TRAK1: variants seen among roughly 807,000 people sequenced by gnomAD.
The protein encoded by TRAK1 is trafficking kinesin-binding protein 1.
TRAK1 carries 33 observed loss-of-function variants against 92.1 expected under a neutral mutation model. That is an observed-to-expected ratio of 0.36 (90% CI 0.27 to 0.48). The LOEUF (loss-of-function observed/expected upper bound fraction) is 0.48, where lower values mean the gene tolerates loss of function less well. Ranked by LOEUF, TRAK1 falls within the 20% of genes least tolerant of loss-of-function variation. The pLI is 0.99. For missense variants in TRAK1, 1,123 were observed against 1,257.9 expected, an observed-to-expected ratio of 0.89 and a Z score of 1.62; for synonymous variants, 521 against 517.3, an observed-to-expected ratio of 1.01 and a Z score of -0.10.
chr3:42,178,596 G>T (rs750087082), intron 3 of TRAK1, among the ~76,000 whole-genome samples: 52 of 152,208 alleles, frequency 3.4e-4, no homozygotes, highest in Non-Finnish European at 5.7e-4. Context: ...TGTTCATCCA[G>T]CTGGATGAAC....
At chr3:42,177,050 T>C (rs1449786484) in intron 3 of TRAK1, among the ~76,000 whole-genome samples, 160 bp downstream of exon 3, 2 of 152,250 alleles carry the variant, frequency 1.3e-5, no homozygotes, top group Non-Finnish European at 2.9e-5. Context: ...CTAGTAGCTA[T>C]GTAGGCCTTT....
chr3:42,217,806 C>T (rs965036496), intron 14 of TRAK1: 2 of 985,256 alleles, frequency 2.0e-6, no homozygotes, highest in African/African-American at 1.7e-5. Flanking sequence ...GACCTTATTG[C>T]GGGAAGAGAA....
chr3:42,203,267 A>G (rs1707903936), intron 13 of TRAK1: 2 of 1,013,638 alleles, frequency 2.0e-6, no homozygotes, highest in African/African-American at 3.4e-5. Flanking sequence ...TGAACTTCAT[A>G]TAGCAAGGTT....
At chr3:42,209,505 T>C (rs924203469) in intron 13 of TRAK1, among the ~76,000 whole-genome samples, 4 of 152,080 alleles carry the variant, frequency 2.6e-5, no homozygotes, top group African/African-American at 9.7e-5. Flanking sequence ...CATACTATGG[T>C]GTGGATTTTA....
chr3:42,074,242 G>T (rs1704054275), intron 1 of TRAK1, among the ~76,000 whole-genome samples: 1 of 152,184 alleles, frequency 6.6e-6, no homozygotes, highest in Admixed American at 6.6e-5. Context: ...TACTTTATAG[G>T]TTGTAAGCCT....
chr3:42,147,206 C>A (rs1559831956), intron 2 of TRAK1, among the ~76,000 whole-genome samples: 2 of 152,160 alleles, frequency 1.3e-5, no homozygotes, highest in East Asian at 1.9e-4. Context: ...GAATTAAAAT[C>A]ATTTCTGCTG....
At chr3:42,157,106 C>G (rs535724535) in intron 2 of TRAK1, among the ~76,000 whole-genome samples, 1 of 151,012 alleles carries the variant, frequency 6.6e-6, no homozygotes, top group Non-Finnish European at 1.5e-5. Flanking sequence ...AAGCAGAGAT[C>G]GCACCACTGC....
In TRAK1 at chr3:42,223,763, A is replaced by G. The variant is rs751290686; in HGVS notation, c.*26A>G. 3 of 1,571,498 alleles carry G rather than the reference A, an allele frequency of 1.9e-6. No individual in the cohort carries two copies. The highest frequency in any genetic ancestry group is 2.6e-6 in the Non-Finnish European group (3 of 1,154,090). On this transcript the variant is annotated 3_prime_UTR_variant, in exon 16 of 16. Transcript: ENST00000327628. The surrounding 1 kb of genome is among the most constrained non-coding windows in gnomAD (Gnocchi z 6.1). ...GGACTGGAGGGGGGCCGGTTGCCCT[A>G]GAGGAGACCCACGTTCTCCTCTCTT... is the stretch of plus-strand genomic sequence containing the variant.
intron 1 of TRAK1, among the ~76,000 whole-genome samples, chr3:42,050,706 G>A (rs1702945094): frequency 6.6e-6 from 1 of 151,860 alleles, no homozygotes; most frequent in African/African-American, 2.4e-5. Flanking sequence ...TGCCCAGGTT[G>A]GAGTACAGTA....
intron 2 of TRAK1, among the ~76,000 whole-genome samples, chr3:42,149,848 T>G (rs979950508): frequency 6.6e-6 from 1 of 152,194 alleles, no homozygotes; most frequent in African/African-American, 2.4e-5. Flanking sequence ...GTTTTTGGTG[T>G]GCTGGGCTTG....
intron 2 of TRAK1, among the ~76,000 whole-genome samples, chr3:42,126,254 T>C (rs192039272): frequency 3.9e-5 from 6 of 152,294 alleles, no homozygotes; most frequent in Admixed American, 1.3e-4. Flanking sequence ...TGTCTAAATT[T>C]AAAACCAAAG....
At chr3:42,036,886 A>G (rs368807848) in intron 1 of TRAK1, among the ~76,000 whole-genome samples, 2 of 152,272 alleles carry the variant, frequency 1.3e-5, no homozygotes, top group South Asian at 4.2e-4. Context: ...AGTAGCTAGG[A>G]TTACAGGTGC....
chr3:42,172,695 G>A (rs1055822863), intron 2 of TRAK1, among the ~76,000 whole-genome samples: 3 of 152,184 alleles, frequency 2.0e-5, no homozygotes, highest in African/African-American at 7.2e-5. Flanking sequence ...CCCCAGGAGG[G>A]CAGGTGTCCT....
At position 42,193,134 on chromosome 3, in the gene TRAK1, G is replaced by T; in HGVS notation, c.829G>T (p.Ala277Ser). The T allele has an allele frequency of 6.2e-7, 1 of 1,614,228 alleles. No individual in the cohort carries two copies. The highest frequency in any genetic ancestry group is 8.5e-7 in the Non-Finnish European group (1 of 1,180,028). ...SEELAKKTED[A>S]ARQQEEITHL... ...GGAACTGGCCAAGAAGACGGAAGAT[G>T]CTGCCCGCCAGCAAGAGGAGATCAC... The change falls in exon 8 of 16, where the codon GCT becomes TCT. Residue 277 changes from alanine to serine, a missense_variant. Physicochemically the swap from Ala to Ser is moderately conservative, Grantham distance 99. This residue lies in a region of TRAK1 where 686 missense variants were observed against 747.6 expected (regional missense o/e 0.92). Coordinates refer to ENST00000327628, the MANE Select transcript of TRAK1 (RefSeq NM_001042646.3).
intron 2 of TRAK1, among the ~76,000 whole-genome samples, chr3:42,150,961 C>G (rs1699886450): frequency 6.6e-6 from 1 of 152,174 alleles, no homozygotes; most frequent in Non-Finnish European, 1.5e-5. Flanking sequence ...AAAGGAAATT[C>G]TAGAGATGCT....
chr3:42,204,280 CTG>C lies in TRAK1; in HGVS notation c.1744+1532_1744+1533del, dbSNP rs374025586. ...TCTTGTCTGCTTTCTATATTTGACT[CTG>C]TGTTTCATTAGATCATCTAAGAATA... On this transcript the variant is annotated intron_variant, in intron 13 of 15. Coordinates refer to ENST00000327628, the MANE Select transcript of TRAK1 (RefSeq NM_001042646.3). 331 of 976,694 alleles carry C rather than the reference CTG, an allele frequency of 3.4e-4. 5 individuals are homozygous for C. The South Asian group carries it at 0.01, about 31-fold the overall frequency. 60.5% of individuals were successfully genotyped at this position (976,694 alleles called of 1,614,324 possible). A position where few individuals can be genotyped will look rare whatever the true frequency, so the allele number is the denominator to read the frequency against.
intron 1 of TRAK1, among the ~76,000 whole-genome samples, chr3:42,067,359 C>T (rs1703722552): frequency 1.3e-5 from 2 of 152,156 alleles, no homozygotes; most frequent in South Asian, 4.1e-4. Context: ...AGATATGTAG[C>T]TAAGTGGCTG....
intron 1 of TRAK1, among the ~76,000 whole-genome samples, chr3:42,070,594 A>T (rs988619831): frequency 6.6e-6 from 1 of 151,908 alleles, no homozygotes; most frequent in Non-Finnish European, 1.5e-5. Context: ...TATCTGGCTA[A>T]TTTTGTTTAT....
chr3:42,190,779 C>CCCTCCCTCTCTCCCTT (rs1705603840), intron 6 of TRAK1, among the ~76,000 whole-genome samples: 1 of 151,956 alleles, frequency 6.6e-6, no homozygotes, highest in African/African-American at 2.4e-5. Flanking sequence ...TCTCCTCCCT[C>CCCTCCCTCTCTCCCTT]CCTCCCTCTC....
Sources: allele counts gnomAD v4.1 joint callset (sites outside exome capture counted in the v4.1 genomes callset), GRCh38; gene constraint gnomAD v4.1.1; regional missense constraint gnomAD v4.1.1; non-coding constraint Gnocchi (gnomAD v3.1); transcripts MANE v1.5; gene names NCBI Gene and HGNC (gene_info 2026-07-23, HGNC 2026-07-21).